GALNT11: variants seen among roughly 807,000 people sequenced by gnomAD.
The protein encoded by GALNT11 is UDP-GalNAc:polypeptide N-acetylgalactosaminyltransferase 11.
A neutral mutation model predicts 72.7 loss-of-function variants in GALNT11; 47 were observed. That is an observed-to-expected ratio of 0.65 (90% CI 0.51 to 0.82). GALNT11 has a LOEUF of 0.82. Ranked by LOEUF, GALNT11 falls within the 40% of genes least tolerant of loss-of-function variation. The pLI is 0.00. For synonymous variants in GALNT11, 270 were observed against 286.6 expected (o/e 0.94, Z 0.58); for missense variants, 677 against 778.4 (o/e 0.87, Z 1.55).
chr7:152,105,346 ATGAT>A lies in GALNT11; in HGVS notation c.691_694del (p.Ile231AlafsTer19). 6.2e-7 allele frequency: 1 copy of A among 1,613,774 alleles called. No homozygotes were observed. The highest frequency in any genetic ancestry group is 1.3e-5 in the African/African-American group (1 of 75,060). The stretch of plus-strand genomic sequence containing the variant: ...GCGTGAGGGGTTGATTCGAGGGAGA[ATGAT>A]TGGCGCGGCCCACGCGACAGGTATC... On this transcript the variant is annotated frameshift_variant, in exon 5 of 12. Transcript: ENST00000430044. LOFTEE classifies it high-confidence loss of function.
intron 1 of GALNT11, among the ~76,000 whole-genome samples, chr7:152,092,322 A>G (rs2086095341): frequency 6.6e-6 from 1 of 152,054 alleles, no homozygotes; most frequent in African/African-American, 2.4e-5. Flanking sequence ...ATTTGCTCTC[A>G]TGGGCTTCCT....
intron 1 of GALNT11, among the ~76,000 whole-genome samples, chr7:152,026,829 C>T (rs1349193634): frequency 1.3e-5 from 2 of 152,250 alleles, no homozygotes; most frequent in Non-Finnish European, 2.9e-5. Context: ...ATTGAAGACT[C>T]ATGTTCCCCT....
chr7:152,033,345 T>C (rs1364027775), intron 1 of GALNT11, among the ~76,000 whole-genome samples: 1 of 152,226 alleles, frequency 6.6e-6, no homozygotes, highest in Non-Finnish European at 1.5e-5. Context: ...AAAGGTTTGT[T>C]TGTCTGAGGG....
At chr7:152,047,687 C>T (rs902466441) in intron 1 of GALNT11, among the ~76,000 whole-genome samples, 15 of 147,048 alleles carry the variant, frequency 1.0e-4, no homozygotes, top group African/African-American at 3.2e-4. Flanking sequence ...ACAGTGACAC[C>T]GTGTGTGTGT....
intron 6 of GALNT11, 105 bp downstream of exon 6, chr7:152,108,392 T>TA: frequency 6.8e-7 from 1 of 1,479,526 alleles, no homozygotes; most frequent in Non-Finnish European, 9.1e-7. Context: ...GCAAAAGTGT[T>TA]AGACTTAATT....
At chr7:152,086,189 T>C (rs995705466) in intron 1 of GALNT11, among the ~76,000 whole-genome samples, 2 of 151,890 alleles carry the variant, frequency 1.3e-5, no homozygotes, top group African/African-American at 4.8e-5. Flanking sequence ...CCCGGCCCAA[T>C]TTTTGTATTT....
chr7:152,098,870 AG>A (rs2086563280), intron 2 of GALNT11, among the ~76,000 whole-genome samples: 1 of 152,248 alleles, frequency 6.6e-6, no homozygotes. Flanking sequence ...TTCAGAGAGA[AG>A]GCATATTAAG....
chr7:152,093,999 A>T (rs1386615666), intron 1 of GALNT11, 191 bp from the exon 2 acceptor site: 1 of 430,640 alleles, frequency 2.3e-6, no homozygotes, highest in Non-Finnish European at 4.0e-6. Context: ...GCATTAACCC[A>T]CAGGCCTGAG....
chr7:152,037,294 C>T (rs370372880), intron 1 of GALNT11, among the ~76,000 whole-genome samples: 14 of 152,142 alleles, frequency 9.2e-5, no homozygotes, highest in Non-Finnish European at 1.8e-4. Flanking sequence ...ATCGAGTTTT[C>T]GCAGCACCAT....
intron 8 of GALNT11, among the ~76,000 whole-genome samples, chr7:152,114,048 G>A (rs924437077): frequency 6.6e-6 from 1 of 151,928 alleles, no homozygotes; most frequent in African/African-American, 2.4e-5. Context: ...ACGTGTGTGA[G>A]CCACTGTGCC....
chr7:152,097,533 A>C (rs1434297537), intron 2 of GALNT11, among the ~76,000 whole-genome samples: 3 of 152,250 alleles, frequency 2.0e-5, no homozygotes, highest in Non-Finnish European at 4.4e-5. Context: ...CAGGTGCTCG[A>C]AAACTTGTAC....
intron 1 of GALNT11, among the ~76,000 whole-genome samples, chr7:152,070,414 G>C (rs1351108643): frequency 1.3e-5 from 2 of 152,164 alleles, no homozygotes; most frequent in Admixed American, 1.3e-4. Flanking sequence ...TCAGAAGTCT[G>C]AAAAGCATCT....
At chr7:152,107,784 T>C (rs2087741742) in intron 5 of GALNT11, 1 of 334,154 alleles carries the variant, frequency 3.0e-6, no homozygotes, top group Non-Finnish European at 5.6e-6. Flanking sequence ...TGCCTGTCAG[T>C]TTTTTCAAGA....
At chr7:152,043,921 TC>T (rs1563044131) in intron 1 of GALNT11, among the ~76,000 whole-genome samples, 1 of 152,154 alleles carries the variant, frequency 6.6e-6, no homozygotes, top group Non-Finnish European at 1.5e-5. Context: ...GCTTCCAAGC[TC>T]CCCTTCTTAC....
chr7:152,041,166 T>C (rs1037663371), intron 1 of GALNT11, among the ~76,000 whole-genome samples: 17 of 152,208 alleles, frequency 1.1e-4, no homozygotes, highest in Non-Finnish European at 2.9e-5. Flanking sequence ...GTATCCAAAT[T>C]GGCTGTTGAT....
rs529504736 is a variant in GALNT11 at position 152,102,727 on chromosome 7, G to A, written c.420-385G>A. Among the ~76,000 whole-genome samples the A allele has an allele frequency of 2.4e-4, 37 of 152,008 alleles. No homozygotes were observed. In the South Asian group the frequency reaches 7.5e-3, roughly 31 times the overall value. ...CTGGACGTGGTGGTTCACGCCTGTA[G>A]TCCCAGCACTTTGGGAGGCTGGGGT... On this transcript the variant is annotated intron_variant, in intron 3 of 11. Coordinates refer to ENST00000430044, the MANE Select transcript of GALNT11 (RefSeq NM_022087.4).
intron 1 of GALNT11, among the ~76,000 whole-genome samples, chr7:152,081,161 G>A (rs1162921081): frequency 6.6e-6 from 1 of 152,162 alleles, no homozygotes. Context: ...ATGTTAGATT[G>A]GTTAGACTGG....
chr7:152,099,984 G>A (rs2086722099), intron 2 of GALNT11, among the ~76,000 whole-genome samples: 1 of 140,242 alleles, frequency 7.1e-6, no homozygotes, highest in Admixed American at 7.3e-5. Flanking sequence ...GTAGAGACAA[G>A]GTCTCGCTGT....
intron 1 of GALNT11, among the ~76,000 whole-genome samples, chr7:152,089,503 C>G (rs2129032309): frequency 6.6e-6 from 1 of 152,300 alleles, no homozygotes; most frequent in Non-Finnish European, 1.5e-5. Context: ...TGTCCTGTCT[C>G]CATTGGCTGG....
Sources: gnomAD v4.1 joint callset for allele counts (sites outside exome capture counted in the v4.1 genomes callset) on GRCh38, gnomAD v4.1.1 for gene constraint, MANE v1.5 for transcripts, NCBI Gene and HGNC (gene_info 2026-07-23, HGNC 2026-07-21) for gene names.